Variants in CNTNAP5 observed in about 807,000 individuals in gnomAD.
The protein encoded by CNTNAP5 is contactin associated protein family member 5.
In CNTNAP5, 72 loss-of-function variants were observed where a neutral mutation model predicts 150.2. The observed-to-expected ratio is 0.48, with a 90% confidence interval of 0.40 to 0.58. CNTNAP5 has a LOEUF of 0.58. CNTNAP5 is among the 20% of genes least tolerant of loss of function. The probability of loss-of-function intolerance (pLI) is 0.00; values close to 1 mark genes in which losing one functional copy is unlikely to be tolerated. For missense variants in CNTNAP5, 1,636 were observed against 1,626.2 expected (o/e 1.01, Z -0.10); for synonymous variants, 672 against 619.8 (o/e 1.08, Z -1.25).
At chr2:124,437,654 A>G (rs571331162) in intron 5 of CNTNAP5, among the ~76,000 whole-genome samples, 25 of 152,278 alleles carry the variant, frequency 1.6e-4, no homozygotes, top group Non-Finnish European at 3.1e-4. Context: ...TTCTTTAAAT[A>G]TTATTCTAAA....
chr2:124,138,489 T>A (rs946995983), intron 1 of CNTNAP5, among the ~76,000 whole-genome samples: 1 of 152,170 alleles, frequency 6.6e-6, no homozygotes. Context: ...TTCAGTGATA[T>A]GTATGTATGC....
chr2:124,874,173 A>G (rs904424242), intron 21 of CNTNAP5, among the ~76,000 whole-genome samples: 1 of 152,110 alleles, frequency 6.6e-6, no homozygotes, highest in South Asian at 2.1e-4. Flanking sequence ...GTTACGGGAT[A>G]TTGCAAGGTT....
intron 13 of CNTNAP5, among the ~76,000 whole-genome samples, chr2:124,671,253 G>T (rs1445232879): frequency 1.3e-5 from 2 of 152,200 alleles, no homozygotes; most frequent in African/African-American, 4.8e-5. Flanking sequence ...ACGTATCTGG[G>T]ATTTCCCAAG....
intron 1 of CNTNAP5, among the ~76,000 whole-genome samples, chr2:124,155,229 G>A (rs757836646): frequency 3.3e-5 from 5 of 151,940 alleles, no homozygotes; most frequent in Non-Finnish European, 7.4e-5. Flanking sequence ...GTACATGACT[G>A]CTCTTTAGAT....
intron 10 of CNTNAP5, among the ~76,000 whole-genome samples, chr2:124,552,204 G>A (rs1484899361): frequency 2.0e-5 from 3 of 152,140 alleles, no homozygotes; most frequent in Non-Finnish European, 4.4e-5. Flanking sequence ...TCTAGAGTTT[G>A]ATGAGGGAAG....
intron 1 of CNTNAP5, among the ~76,000 whole-genome samples, chr2:124,149,017 GT>G (rs2104630274): frequency 6.6e-6 from 1 of 152,150 alleles, no homozygotes; most frequent in East Asian, 1.9e-4. Context: ...ATTATCAATA[GT>G]TTTCCTTGAA....
At chr2:124,885,065 A>T (rs1678050910) in intron 21 of CNTNAP5, among the ~76,000 whole-genome samples, 1 of 151,990 alleles carries the variant, frequency 6.6e-6, no homozygotes, top group African/African-American at 2.4e-5. Flanking sequence ...GATTTATTGC[A>T]CAGAATTGGT....
At chr2:124,394,286 C>T (rs565959258) in intron 3 of CNTNAP5, among the ~76,000 whole-genome samples, 17 of 150,148 alleles carry the variant, frequency 1.1e-4, no homozygotes, top group African/African-American at 3.9e-4. Flanking sequence ...GCATGAGAAT[C>T]GCTTGAACCC....
chr2:124,115,237 C>A (rs1683397004), intron 1 of CNTNAP5, among the ~76,000 whole-genome samples: 1 of 152,132 alleles, frequency 6.6e-6, no homozygotes, highest in East Asian at 1.9e-4. Context: ...AACACCCTTT[C>A]ATAACTAAGT....
At chr2:124,035,910 C>CTG (rs1681200678) in intron 1 of CNTNAP5, among the ~76,000 whole-genome samples, 1 of 76,528 alleles carries the variant, frequency 1.3e-5, no homozygotes, top group Admixed American at 2.1e-4. Flanking sequence ...AGGATGAACT[C>CTG]TTTTTTTTTT....
chr2:124,736,923 A>G (rs1292184457), intron 13 of CNTNAP5, among the ~76,000 whole-genome samples: 3 of 152,138 alleles, frequency 2.0e-5, no homozygotes, highest in African/African-American at 7.2e-5. Context: ...CCCTTTTCCT[A>G]ATTCCAATGG....
chr2:124,479,141 C>T (rs1693709418), intron 7 of CNTNAP5, among the ~76,000 whole-genome samples: 1 of 152,110 alleles, frequency 6.6e-6, no homozygotes, highest in Admixed American at 6.6e-5. Flanking sequence ...TCCTCAAATC[C>T]TTTATTATAT....
At chr2:124,248,869 C>T (rs1294445800) in intron 3 of CNTNAP5, among the ~76,000 whole-genome samples, 1 of 152,120 alleles carries the variant, frequency 6.6e-6, no homozygotes. Flanking sequence ...GGGATAGGAT[C>T]CAACAGCTGA....
intron 13 of CNTNAP5, among the ~76,000 whole-genome samples, chr2:124,746,066 C>T (rs962698556): frequency 6.6e-6 from 1 of 152,154 alleles, no homozygotes; most frequent in East Asian, 1.9e-4. Context: ...CAGACAATTG[C>T]TATTATTCAC....
At chr2:124,507,067 G>A (rs944520932) in intron 8 of CNTNAP5, among the ~76,000 whole-genome samples, 10 of 152,088 alleles carry the variant, frequency 6.6e-5, no homozygotes, top group South Asian at 2.1e-4. Context: ...GAGTCACAAC[G>A]ACATACAAAA....
intron 4 of CNTNAP5, among the ~76,000 whole-genome samples, chr2:124,423,080 T>C (rs966124760): frequency 1.3e-5 from 2 of 152,202 alleles, no homozygotes; most frequent in Admixed American, 6.5e-5. Flanking sequence ...ATATGGGCTC[T>C]GAATTCAAAC....
At chr2:124,201,914 T>G (rs7558767) in intron 1 of CNTNAP5, among the ~76,000 whole-genome samples, 1 of 152,050 alleles carries the variant, frequency 6.6e-6, no homozygotes, top group Non-Finnish European at 1.5e-5. Flanking sequence ...TTATGGACTC[T>G]GTTCATTAGC....
At chr2:124,374,871 G>A (rs1690608237) in intron 3 of CNTNAP5, among the ~76,000 whole-genome samples, 1 of 152,032 alleles carries the variant, frequency 6.6e-6, no homozygotes, top group Admixed American at 6.6e-5. Flanking sequence ...AAGAAAGGTT[G>A]AAGGCCTATC....
At chr2:124,332,611 A>G (rs747667781) in intron 3 of CNTNAP5, among the ~76,000 whole-genome samples, 5 of 151,792 alleles carry the variant, frequency 3.3e-5, no homozygotes, top group Non-Finnish European at 5.9e-5. Context: ...TATTCAATGA[A>G]CACTCATTTA....
Sources: allele counts gnomAD v4.1 joint callset (sites outside exome capture counted in the v4.1 genomes callset), GRCh38; gene constraint gnomAD v4.1.1; transcripts MANE v1.5; gene names NCBI Gene and HGNC (gene_info 2026-07-23, HGNC 2026-07-21).